ATP13A5: variants seen among roughly 807,000 people sequenced by gnomAD.
The protein encoded by ATP13A5 is ATPase 13A5.
A neutral mutation model predicts 150.2 loss-of-function variants in ATP13A5; 149 were observed. The observed-to-expected ratio is 0.99, with a 90% CI of 0.87 to 1.14. The LOEUF is 1.14. Among genes scored for constraint, ATP13A5 ranks in the 50% most tolerant of loss-of-function variants. ATP13A5 has a pLI of 0.00. For synonymous variants in ATP13A5, 497 were observed against 522.2 expected, an observed-to-expected ratio of 0.95 and a Z score of 0.66; for missense variants, 1,383 against 1,449.3, an observed-to-expected ratio of 0.95 and a Z score of 0.74.
chr3:193,330,648 G>A (rs894596998), intron 12 of ATP13A5, among the ~76,000 whole-genome samples: 2 of 152,220 alleles, frequency 1.3e-5, no homozygotes, highest in Non-Finnish European at 2.9e-5. Context: ...TAAGCACAGA[G>A]ACAACCTAGC....
chr3:193,367,588 T>C (rs1275462718), intron 1 of ATP13A5, among the ~76,000 whole-genome samples: 1 of 152,104 alleles, frequency 6.6e-6, no homozygotes, highest in Non-Finnish European at 1.5e-5. Context: ...CTAAAATAGA[T>C]TATCTAACTA....
intron 16 of ATP13A5, 118 bp downstream of exon 16, chr3:193,321,563 G>A (rs1719277961): frequency 1.8e-6 from 2 of 1,105,020 alleles, no homozygotes; most frequent in Non-Finnish European, 1.3e-6. Flanking sequence ...CTTGGGAGGT[G>A]GAGGCTACAG....
chr3:193,286,999 A>G (rs112469180), intron 26 of ATP13A5, among the ~76,000 whole-genome samples: 40 of 152,280 alleles, frequency 2.6e-4, no homozygotes, highest in African/African-American at 9.1e-4. Flanking sequence ...TGGTCTGGGT[A>G]GTGGATCAAA....
intron 14 of ATP13A5, among the ~76,000 whole-genome samples, chr3:193,324,598 A>T (rs1340276614): frequency 3.3e-5 from 5 of 152,244 alleles, no homozygotes; most frequent in Non-Finnish European, 4.4e-5. Flanking sequence ...ACCACAGTAT[A>T]TTAAAGAAAT....
At chr3:193,366,551 G>A (rs1713245149) in intron 1 of ATP13A5, among the ~76,000 whole-genome samples, 1 of 151,878 alleles carries the variant, frequency 6.6e-6, no homozygotes, top group Non-Finnish European at 1.5e-5. Flanking sequence ...TCAACAGGAG[G>A]ACATAACAAT....
chr3:193,378,616 C>T lies in ATP13A5; in HGVS notation c.63+47G>A, dbSNP rs371497164. On this transcript the variant is annotated intron_variant, in intron 1 of 29. Coordinates refer to ENST00000342358, the MANE Select transcript of ATP13A5 (RefSeq NM_198505.4). ...TAATTCAGCTGTAGCCCATACTCAC[C>T]GCCTTGGGCTCTTTGAGAAGACTAA... is the stretch of plus-strand genomic sequence containing the variant. 5.7e-5 allele frequency: 86 copies of T among 1,504,682 alleles called. 2 individuals carry two copies. The highest frequency in any genetic ancestry group is 4.4e-4 in the South Asian group (39 of 88,378). The allele number at this position is 1,504,682 out of a possible 1,614,324, so 93.2% of individuals were successfully genotyped here.
At chr3:193,286,325 TTTA>T (rs66652164) in intron 26 of ATP13A5, among the ~76,000 whole-genome samples, 26,008 of 152,080 alleles carry the variant, frequency 0.17, 2,901 homozygotes, top group Non-Finnish European at 0.25. Context: ...CACACTTTGC[TTTA>T]TTATGTTTCA....
chr3:193,290,008 T>C lies in ATP13A5; in HGVS notation c.2900A>G (p.Gln967Arg), dbSNP rs749887523. ...PKLAPYRPAG[Q>R]LLSPPLLLSI... The stretch of plus-strand genomic sequence containing the variant: ...AAGCAGTAAAGGGGGAGAAAGGAGC[T>C]GTCCTGCTGGTCTATATGGAGCCAG... Residue 967 changes from glutamine to arginine, a missense_variant, in exon 26 of 30, where the codon CAG (glutamine) becomes CGG (arginine). Physicochemically the swap from Gln to Arg is conservative, Grantham distance 43. This residue lies in a region of ATP13A5 where 568 missense variants were observed against 621.5 expected (regional missense o/e 0.91). Transcript: ENST00000342358. The C allele has an allele frequency of 1.4e-5, 23 of 1,612,858 alleles. No individual in the cohort carries two copies. The highest frequency in any genetic ancestry group is 1.9e-5 in the Non-Finnish European group (22 of 1,179,220).
At chr3:193,369,825 T>C (rs896730222) in intron 1 of ATP13A5, among the ~76,000 whole-genome samples, 4 of 152,186 alleles carry the variant, frequency 2.6e-5, no homozygotes, top group Admixed American at 2.0e-4. Context: ...GGAATATTAA[T>C]AGCATACACC....
chr3:193,325,662 G>A (rs1247113979), intron 13 of ATP13A5, among the ~76,000 whole-genome samples: 1 of 152,202 alleles, frequency 6.6e-6, no homozygotes, highest in East Asian at 1.9e-4. Flanking sequence ...AAAGAAGGCT[G>A]CATGGATGCA....
At chr3:193,312,599 A>C (rs1024607903) in intron 19 of ATP13A5, 1 of 152,140 alleles carries the variant, frequency 6.6e-6, no homozygotes, top group African/African-American at 2.4e-5. Flanking sequence ...AAAGCATCTG[A>C]TGAATGCCTG....
At chr3:193,300,489 T>C (rs1718356952) in intron 24 of ATP13A5, among the ~76,000 whole-genome samples, 1 of 152,144 alleles carries the variant, frequency 6.6e-6, no homozygotes. Context: ...CTGGATGGTA[T>C]AATCTTGTGG....
chr3:193,313,607 C>T (rs1389898330), intron 19 of ATP13A5: 1 of 161,520 alleles, frequency 6.2e-6, no homozygotes, highest in Non-Finnish European at 1.4e-5. Flanking sequence ...TCCTGCTCTG[C>T]AACTCACCAG....
At chr3:193,359,685 G>A (rs1234746248) in intron 5 of ATP13A5, among the ~76,000 whole-genome samples, 7 of 152,152 alleles carry the variant, frequency 4.6e-5, no homozygotes, top group Admixed American at 3.9e-4. Context: ...GGCCATGGAT[G>A]GAATATTCCT....
intron 1 of ATP13A5, among the ~76,000 whole-genome samples, chr3:193,376,761 A>G (rs1342950077): frequency 3.3e-5 from 5 of 152,146 alleles, no homozygotes; most frequent in African/African-American, 1.2e-4. Flanking sequence ...CTAAAAGGCT[A>G]GCAATTGCAA....
intron 18 of ATP13A5, among the ~76,000 whole-genome samples, 184 bp downstream of exon 18, chr3:193,314,788 C>A (rs1289938121): frequency 6.6e-6 from 1 of 152,174 alleles, no homozygotes; most frequent in Non-Finnish European, 1.5e-5. Context: ...CGGTCCCTAC[C>A]TTCAAAGCTT....
At chr3:193,286,442 C>T (rs936506043) in intron 26 of ATP13A5, among the ~76,000 whole-genome samples, 1 of 152,066 alleles carries the variant, frequency 6.6e-6, no homozygotes, top group Non-Finnish European at 1.5e-5. Context: ...AGTATGTGCT[C>T]ACTTTGTCTC....
At chr3:193,292,317 GGA>G (rs1029982218) in intron 25 of ATP13A5, among the ~76,000 whole-genome samples, 84 of 152,256 alleles carry the variant, frequency 5.5e-4, no homozygotes, top group African/African-American at 2.0e-3. Flanking sequence ...TGCAGGTAGT[GGA>G]GAGAGTAAAA....
intron 25 of ATP13A5, among the ~76,000 whole-genome samples, chr3:193,294,215 G>A (rs893207637): frequency 2.8e-5 from 4 of 145,002 alleles, no homozygotes; most frequent in Non-Finnish European, 4.5e-5. Context: ...GTGGCCACCT[G>A]GAAATAAAGA....
Sources: allele counts gnomAD v4.1 joint callset (sites outside exome capture counted in the v4.1 genomes callset), GRCh38; gene constraint gnomAD v4.1.1; regional missense constraint gnomAD v4.1.1; transcripts MANE v1.5; gene names NCBI Gene and HGNC (gene_info 2026-07-23, HGNC 2026-07-21).